Variants in RALYL observed in about 807,000 individuals in gnomAD.
RALYL encodes RNA-binding Raly-like protein.
In RALYL, 29 loss-of-function variants were observed where a neutral mutation model predicts 35.1. That is an observed-to-expected ratio of 0.83 (90% confidence interval 0.61 to 1.13). RALYL has a LOEUF of 1.13. Among genes scored for constraint, RALYL ranks in the 50% most tolerant of loss-of-function variants. The pLI, the probability that RALYL is intolerant of heterozygous loss-of-function variation, is 0.00. For missense variants in RALYL, 359 were observed against 360.4 expected, an observed-to-expected ratio of 1.00 and a Z score of 0.03; for synonymous variants, 120 against 127.6, an observed-to-expected ratio of 0.94 and a Z score of 0.40.
Position 84,418,499 on chromosome 8 carries a change from C to T in RALYL, c.-23-110800C>T, listed in dbSNP as rs184006792. On this transcript the variant is annotated intron_variant, in intron 1 of 8. Coordinates refer to ENST00000521268, the MANE Select transcript of RALYL (RefSeq NM_173848.7). Reference sequence around the variant, plus strand: ...GAGGATGAAAAAACTGAGAAGGACCCTAAAATGAGTAGCCATGCTGTTTTA... The same window carrying T: ...GAGGATGAAAAAACTGAGAAGGACCTTAAAATGAGTAGCCATGCTGTTTTA... 1.3e-3 allele frequency among the ~76,000 whole-genome samples: 202 copies of T among 152,144 alleles called. 2 individuals carry two copies. Among genetic ancestry groups the T allele is most frequent in the African/African-American group, 4.4e-3 (184 of 41,510 alleles).
intron 2 of RALYL, among the ~76,000 whole-genome samples, chr8:84,725,364 A>T (rs748983049): frequency 1.3e-5 from 2 of 151,720 alleles, no homozygotes; most frequent in Admixed American, 6.6e-5. Context: ...AATGGCAGTT[A>T]ATTATTTTGA....
intron 4 of RALYL, among the ~76,000 whole-genome samples, chr8:84,807,100 C>T (rs563045895): frequency 2.6e-5 from 4 of 152,190 alleles, no homozygotes; most frequent in South Asian, 2.1e-4. Flanking sequence ...GATTTTGGTG[C>T]GCCCATCACC....
At chr8:84,481,639 G>A (rs567509222) in intron 1 of RALYL, among the ~76,000 whole-genome samples, 172 of 151,986 alleles carry the variant, frequency 1.1e-3, no homozygotes, top group Admixed American at 2.0e-3. Flanking sequence ...CAGCATACTC[G>A]GCAATAAAAA....
chr8:84,717,727 C>T (rs893659904), intron 2 of RALYL, among the ~76,000 whole-genome samples: 3 of 152,160 alleles, frequency 2.0e-5, no homozygotes, highest in Non-Finnish European at 1.5e-5. Context: ...AGATGCACTA[C>T]AATGGTAATA....
chr8:84,213,201 A>C, intron 1 of RALYL, among the ~76,000 whole-genome samples: 1 of 151,974 alleles, frequency 6.6e-6, no homozygotes, highest in Non-Finnish European at 1.5e-5. Flanking sequence ...GACCAGCCTG[A>C]CCAACGTGGT....
chr8:84,677,440 G>C (rs1834437782), intron 2 of RALYL, among the ~76,000 whole-genome samples: 1 of 152,118 alleles, frequency 6.6e-6, no homozygotes, highest in Admixed American at 6.6e-5. Context: ...AATGGGAATA[G>C]GAATAGATTA....
At chr8:84,489,649 A>G (rs1161177773) in intron 1 of RALYL, among the ~76,000 whole-genome samples, 2 of 152,080 alleles carry the variant, frequency 1.3e-5, no homozygotes, top group East Asian at 1.9e-4. Flanking sequence ...GATCACCTAG[A>G]AAGAGCAACT....
intron 1 of RALYL, among the ~76,000 whole-genome samples, chr8:84,199,024 G>A (rs374356276): frequency 9.9e-5 from 15 of 152,032 alleles, no homozygotes; most frequent in Middle Eastern, 3.2e-3. Flanking sequence ...GTGGGATTTC[G>A]GGATTATGTG....
chr8:84,236,435 T>C (rs1826571408), intron 1 of RALYL, among the ~76,000 whole-genome samples: 1 of 152,168 alleles, frequency 6.6e-6, no homozygotes, highest in South Asian at 2.1e-4. Flanking sequence ...CAGGAAGGGT[T>C]CTGTGGGGTT....
At chr8:84,221,902 GA>G (rs1822312292) in intron 1 of RALYL, among the ~76,000 whole-genome samples, 1 of 152,080 alleles carries the variant, frequency 6.6e-6, no homozygotes, top group African/African-American at 2.4e-5. Flanking sequence ...ACACAAAGCA[GA>G]CAGTTGCTGT....
chr8:84,692,447 T>A (rs1373217976), intron 2 of RALYL, among the ~76,000 whole-genome samples: 1 of 152,004 alleles, frequency 6.6e-6, no homozygotes, highest in African/African-American at 2.4e-5. Flanking sequence ...CTTTTACAAT[T>A]CTAATGTTTC....
chr8:84,725,548 A>G (rs1844789078), intron 2 of RALYL, among the ~76,000 whole-genome samples: 1 of 151,768 alleles, frequency 6.6e-6, no homozygotes, highest in Non-Finnish European at 1.5e-5. Context: ...ACATAGAAGA[A>G]TGATGTTTTG....
At chr8:84,782,025 A>G (rs2718976) in intron 3 of RALYL, among the ~76,000 whole-genome samples, 30,581 of 133,928 alleles carry the variant, frequency 0.23, 4,398 homozygotes, top group African/African-American at 0.42. Flanking sequence ...TGCTGTGCAC[A>G]CGCGCGCACA....
At chr8:84,424,034 T>A (rs2046022934) in intron 1 of RALYL, among the ~76,000 whole-genome samples, 1 of 151,968 alleles carries the variant, frequency 6.6e-6, no homozygotes, top group South Asian at 2.1e-4. Flanking sequence ...TGTCTTGGAG[T>A]TGCTCTTCTT....
intron 1 of RALYL, among the ~76,000 whole-genome samples, chr8:84,274,356 A>G (rs1834928337): frequency 1.3e-5 from 2 of 152,158 alleles, no homozygotes; most frequent in South Asian, 4.1e-4. Context: ...TAATCAAGAG[A>G]TAAAATACAC....
intron 3 of RALYL, among the ~76,000 whole-genome samples, chr8:84,785,796 T>G (rs1819304718): frequency 6.6e-6 from 1 of 152,166 alleles, no homozygotes; most frequent in Admixed American, 6.6e-5. Context: ...GTGTTAATAA[T>G]GACATGAAAA....
chr8:84,645,745 C>CT (rs1412195752), intron 2 of RALYL, among the ~76,000 whole-genome samples: 1 of 152,134 alleles, frequency 6.6e-6, no homozygotes, highest in Non-Finnish European at 1.5e-5. Context: ...ACATTCAAAA[C>CT]TTTTTTCTAT....
intron 1 of RALYL, among the ~76,000 whole-genome samples, chr8:84,397,687 T>C (rs2042482677): frequency 6.6e-6 from 1 of 152,200 alleles, no homozygotes; most frequent in South Asian, 2.1e-4. Flanking sequence ...AATAAGACAT[T>C]TGAACATGAA....
intron 1 of RALYL, among the ~76,000 whole-genome samples, chr8:84,444,520 A>G (rs1254967515): frequency 6.6e-6 from 1 of 152,068 alleles, no homozygotes; most frequent in Non-Finnish European, 1.5e-5. Flanking sequence ...TTCAGCAGGA[A>G]AGAGAAATGG....
Sources: gnomAD v4.1 joint callset for allele counts (sites outside exome capture counted in the v4.1 genomes callset) on GRCh38, gnomAD v4.1.1 for gene constraint, MANE v1.5 for transcripts, NCBI Gene and HGNC (gene_info 2026-07-23, HGNC 2026-07-21) for gene names.